The following RABGAP1L variants were observed in gnomAD, a reference collection of about 807,000 sequenced individuals.
RABGAP1L encodes the protein rab GTPase-activating protein 1-like.
RABGAP1L carries 63 observed loss-of-function variants against 137.7 expected under a neutral mutation model. That is an observed-to-expected ratio of 0.46 (90% confidence interval 0.37 to 0.56). RABGAP1L has a LOEUF of 0.56. RABGAP1L is among the 20% of genes least tolerant of loss of function. RABGAP1L has a pLI of 0.00. For missense variants in RABGAP1L, 1,095 were observed against 1,244.0 expected (o/e 0.88, Z 1.80); for synonymous variants, 431 against 433.7 (o/e 0.99, Z 0.08).
rs73028389 is a variant in RABGAP1L at position 174,820,640 on chromosome 1, G to T, written c.2340+8680G>T. ...GGACTCAGGAAGAATGGCGGAAGAG[G>T]AGATTAATTCCCTTATTGGGGGTTA... On this transcript the variant is annotated intron_variant, in intron 19 of 25. Coordinates refer to ENST00000681986, the MANE Select transcript of RABGAP1L (RefSeq NM_001366446.1). Among the ~76,000 whole-genome samples the T allele has an allele frequency of 6.0e-3, 917 of 152,276 alleles. 10 individuals carry two copies. Among genetic ancestry groups the T allele is most frequent in the African/African-American group, 0.021 (868 of 41,546 alleles).
intron 17 of RABGAP1L, among the ~76,000 whole-genome samples, chr1:174,704,583 T>G (rs1345716350): frequency 6.6e-6 from 1 of 152,244 alleles, no homozygotes; most frequent in Non-Finnish European, 1.5e-5. Context: ...GCTTGCAGAA[T>G]AGGTTTCCAA....
At chr1:174,559,886 A>C (rs1176207301) in intron 13 of RABGAP1L, among the ~76,000 whole-genome samples, 1 of 152,208 alleles carries the variant, frequency 6.6e-6, no homozygotes, top group Non-Finnish European at 1.5e-5. Flanking sequence ...CTGTAATCTC[A>C]GCACTTTGGG....
chr1:174,561,439 T>C (rs1204246723), intron 13 of RABGAP1L, among the ~76,000 whole-genome samples: 1 of 152,168 alleles, frequency 6.6e-6, no homozygotes, highest in Non-Finnish European at 1.5e-5. Context: ...CTGCCTAAAG[T>C]AATTTATAGA....
intron 19 of RABGAP1L, among the ~76,000 whole-genome samples, chr1:174,906,172 C>A (rs566636508): frequency 6.6e-6 from 1 of 152,228 alleles, no homozygotes; most frequent in South Asian, 2.1e-4. Context: ...CATGTGCCAA[C>A]TCGCCTGGCT....
At chr1:174,208,285 A>G (rs1668635486) in intron 1 of RABGAP1L, among the ~76,000 whole-genome samples, 1 of 151,636 alleles carries the variant, frequency 6.6e-6, no homozygotes, top group Non-Finnish European at 1.5e-5. Context: ...CTCTTTTTGA[A>G]TCTTTAGGTT....
intron 1 of RABGAP1L, among the ~76,000 whole-genome samples, chr1:174,171,508 G>A (rs979224388): frequency 2.0e-5 from 3 of 151,874 alleles, no homozygotes; most frequent in African/African-American, 4.8e-5. Context: ...TCTAAAATCT[G>A]TCTTAGCAAA....
chr1:174,412,330 A>C (rs939379648), intron 13 of RABGAP1L, among the ~76,000 whole-genome samples: 1 of 152,070 alleles, frequency 6.6e-6, no homozygotes, highest in African/African-American at 2.4e-5. Context: ...ATCTTCCTCC[A>C]TCCCTTTATA....
In RABGAP1L at chr1:174,349,046, G is replaced by T. The variant is rs1238694275; in HGVS notation, c.1466-21933G>T. Among the ~76,000 whole-genome samples the T allele has an allele frequency of 3.4e-5, 3 of 87,538 alleles. 1 individual carries two copies. The Admixed American group carries it at 3.6e-4, about 10-fold the overall frequency. The allele number at this position is 87,538 out of a possible 152,430, so 57.4% of individuals were successfully genotyped here. A position where few individuals can be genotyped will look rare whatever the true frequency, so the allele number is the denominator to read the frequency against. On this transcript the variant is annotated intron_variant, in intron 11 of 25. Transcript: ENST00000681986. ...CCCGGACAGGGCGGCTGGCCGGGCG[G>T]GGGGGGGGCTGACCCCCCCCACCTC... is the stretch of plus-strand genomic sequence containing the variant.
chr1:174,315,501 T>A (rs1018452185), intron 11 of RABGAP1L, among the ~76,000 whole-genome samples: 1 of 152,206 alleles, frequency 6.6e-6, no homozygotes, highest in Non-Finnish European at 1.5e-5. Flanking sequence ...TTCATTGTTA[T>A]CATTTCTAAG....
chr1:174,861,641 G>A (rs1249325811), intron 19 of RABGAP1L, among the ~76,000 whole-genome samples: 1 of 151,494 alleles, frequency 6.6e-6, no homozygotes, highest in African/African-American at 2.4e-5. Flanking sequence ...TTAAATAATG[G>A]CCATCCTAAC....
intron 13 of RABGAP1L, among the ~76,000 whole-genome samples, chr1:174,577,235 A>G (rs1466334739): frequency 6.8e-6 from 1 of 147,318 alleles, no homozygotes; most frequent in East Asian, 2.0e-4. Context: ...ACACACACAC[A>G]CACACACACA....
chr1:174,549,359 CT>C (rs1305818500), intron 13 of RABGAP1L, among the ~76,000 whole-genome samples: 1 of 152,032 alleles, frequency 6.6e-6, no homozygotes, highest in Non-Finnish European at 1.5e-5. Context: ...ACAAAATTTT[CT>C]TTCAGAGGAT....
intron 19 of RABGAP1L, among the ~76,000 whole-genome samples, chr1:174,919,002 A>G (rs959983821): frequency 6.7e-6 from 1 of 149,838 alleles, no homozygotes; most frequent in Non-Finnish European, 1.5e-5. Flanking sequence ...GCGACAGAGC[A>G]AGACCTTGTC....
At chr1:174,767,565 C>T (rs182409028) in intron 18 of RABGAP1L, among the ~76,000 whole-genome samples, 119 of 151,924 alleles carry the variant, frequency 7.8e-4, no homozygotes, top group Admixed American at 1.8e-3. Context: ...ACCCTGTCAC[C>T]CAGGCTGTAG....
At chr1:174,963,450 G>A (rs1186237875) in intron 20 of RABGAP1L, among the ~76,000 whole-genome samples, 1 of 151,982 alleles carries the variant, frequency 6.6e-6, no homozygotes, top group Admixed American at 6.6e-5. Context: ...TAACCCTTGG[G>A]GGAAGAATAT....
chr1:174,270,566 A>G (rs560782426), intron 7 of RABGAP1L, among the ~76,000 whole-genome samples: 1 of 152,226 alleles, frequency 6.6e-6, no homozygotes, highest in East Asian at 1.9e-4. Flanking sequence ...ACATGTAAGA[A>G]ATCTGCACTT....
intron 8 of RABGAP1L, 128 bp downstream of exon 8, chr1:174,272,608 T>C: frequency 8.2e-7 from 1 of 1,225,970 alleles, no homozygotes; most frequent in Non-Finnish European, 1.0e-6. Context: ...ATAGTAATAA[T>C]TAAATTTGGA....
chr1:174,256,678 G>A (rs1238184369), intron 7 of RABGAP1L, among the ~76,000 whole-genome samples: 1 of 152,166 alleles, frequency 6.6e-6, no homozygotes, highest in Non-Finnish European at 1.5e-5. Flanking sequence ...CTACTTGGGA[G>A]GCTGAGGCAG....
intron 4 of RABGAP1L, among the ~76,000 whole-genome samples, chr1:174,233,337 C>A (rs1284494961): frequency 1.3e-5 from 2 of 151,084 alleles, no homozygotes; most frequent in Non-Finnish European, 2.9e-5. Flanking sequence ...CATATGTATA[C>A]ATGTGCCATG....
Sources: allele counts gnomAD v4.1 joint callset (sites outside exome capture counted in the v4.1 genomes callset), GRCh38; gene constraint gnomAD v4.1.1; transcripts MANE v1.5; gene names NCBI Gene and HGNC (gene_info 2026-07-23, HGNC 2026-07-21).